SLC45A4: variants seen among roughly 807,000 people sequenced by gnomAD.
SLC45A4 encodes the protein solute carrier family 45 member 4, also known as polyamine-transporter SLC45A4.
Under a neutral mutation model 63.7 loss-of-function variants are expected in SLC45A4, and 32 were observed. The observed-to-expected ratio is 0.50, with a 90% CI of 0.38 to 0.67. The LOEUF (loss-of-function observed/expected upper bound fraction) is 0.67, where lower values mean the gene tolerates loss of function less well. Ranked by LOEUF, SLC45A4 falls within the 30% of genes least tolerant of loss-of-function variation. The pLI, the probability that SLC45A4 is intolerant of heterozygous loss-of-function variation, is 0.00. For synonymous variants in SLC45A4, 535 were observed against 510.0 expected (o/e 1.05, Z -0.66); for missense variants, 1,027 against 1,157.7 (o/e 0.89, Z 1.64).
intron 1 of SLC45A4, among the ~76,000 whole-genome samples, chr8:141,300,432 C>T (rs1830703544): frequency 6.6e-6 from 1 of 152,248 alleles, no homozygotes; most frequent in South Asian, 2.1e-4. Context: ...GTAAATCTTT[C>T]TACTTTTTGA....
chr8:141,228,963 C>T (rs1298543331), intron 2 of SLC45A4, among the ~76,000 whole-genome samples: 3 of 152,258 alleles, frequency 2.0e-5, no homozygotes, highest in Middle Eastern at 3.4e-3. Context: ...ACCCGCCCCA[C>T]AGCCCACCTG....
rs569230549 is a variant in SLC45A4, at chr8:141,219,639, G to T, written c.610+11C>A. 6.3e-7 allele frequency: 1 copy of T among 1,597,580 alleles called. No individual in the cohort carries two copies. The highest frequency in any genetic ancestry group is 1.7e-5 in the Admixed American group (1 of 59,202). ...GAACCCGGCCACCCAGCCTTGGTGC[G>T]GCAGCGTTACCGGCAGAGAAGGCGT... On this transcript the variant is annotated intron_variant, in intron 4 of 8. Transcript: ENST00000517878.
intron 1 of SLC45A4, among the ~76,000 whole-genome samples, chr8:141,261,701 C>T (rs1247233855): frequency 6.6e-6 from 1 of 151,700 alleles, no homozygotes; most frequent in Non-Finnish European, 1.5e-5. Flanking sequence ...GAACTACAAA[C>T]CACTGCTCAA....
intron 2 of SLC45A4, among the ~76,000 whole-genome samples, chr8:141,228,858 C>T (rs923919018): frequency 6.6e-6 from 1 of 152,126 alleles, no homozygotes; most frequent in Non-Finnish European, 1.5e-5. Flanking sequence ...CTGGATGTGC[C>T]GCTTCATATC....
At chr8:141,212,064 C>CG in intron 8 of SLC45A4, 133 bp downstream of exon 8, 1 of 1,402,906 alleles carries the variant, frequency 7.1e-7, no homozygotes, top group Non-Finnish European at 9.2e-7. Flanking sequence ...GGCTCTGGCC[C>CG]GCACTGCCGG....
At chr8:141,300,748 C>A (rs1446792173) in intron 1 of SLC45A4, among the ~76,000 whole-genome samples, 1 of 152,226 alleles carries the variant, frequency 6.6e-6, no homozygotes, top group Admixed American at 6.5e-5. Context: ...AAATTTAACC[C>A]GAGGCACAAT....
At chr8:141,292,814 C>T (rs1830398839) in intron 1 of SLC45A4, 2 of 152,328 alleles carry the variant, frequency 1.3e-5, no homozygotes, top group South Asian at 4.1e-4. Flanking sequence ...ACAAAAACCA[C>T]ACCCTATCAA....
In SLC45A4 at chr8:141,254,650, C is replaced by G. The variant is rs1265175547; in HGVS notation, c.-400-21G>C. 1.4e-6 allele frequency: 1 copy of G among 697,358 alleles called. No homozygotes were observed. Among genetic ancestry groups the G allele is most frequent in the Non-Finnish European group, 2.6e-6 (1 of 382,156 alleles). 43.2% of individuals were successfully genotyped at this position (697,358 alleles called of 1,614,324 possible). On this transcript the variant is annotated intron_variant, in intron 1 of 8. Coordinates refer to ENST00000517878, the MANE Select transcript of SLC45A4 (RefSeq NM_001286646.2). This position sits in a 1 kb window ranked among gnomAD's most constrained non-coding sequence, Gnocchi z 4.5. ...ATGATCTGCAAAAGAGGAAAACAAC[C>G]CGGCCAGAGAGTCAGGGGACGGCCA...
At chr8:141,287,810 G>C (rs1459648418) in intron 1 of SLC45A4, among the ~76,000 whole-genome samples, 1 of 152,192 alleles carries the variant, frequency 6.6e-6, no homozygotes, top group Non-Finnish European at 1.5e-5. Flanking sequence ...GGGGCGGTGA[G>C]GAGACGGCTC....
rs1198588233 is a variant in SLC45A4 at position 141,210,713 on chromosome 8, AT to A, written c.*858del. The A allele has an allele frequency of 6.6e-6, 1 of 152,200 alleles. No individual in the cohort carries two copies. Among genetic ancestry groups the A allele is most frequent in the East Asian group, 1.9e-4 (1 of 5,200 alleles). The allele number at this position is 152,200 out of a possible 1,614,324, so 9.4% of individuals were successfully genotyped here. On this transcript the variant is annotated 3_prime_UTR_variant, in exon 9 of 9. Transcript: ENST00000517878. The stretch of plus-strand genomic sequence containing the variant: ...TCTAGAATGATCATATTGCAGCATG[AT>A]TCTCATGCATTTCAAAGTACTTTAT...
In SLC45A4 at chr8:141,215,070, G is replaced by A. The variant is rs1289293916; in HGVS notation, c.1941+689C>T. ...CATACACTGTGACATGAAAAGGCTG[G>A]CCGTGCTGCCGCCAGCAAGCACGTG... On this transcript the variant is annotated intron_variant, in intron 7 of 8. Coordinates refer to ENST00000517878, the MANE Select transcript of SLC45A4 (RefSeq NM_001286646.2). This position sits in a 1 kb window ranked among gnomAD's most constrained non-coding sequence, Gnocchi z 4.3. Among the ~76,000 whole-genome samples the A allele has an allele frequency of 2.0e-5, 3 of 152,194 alleles. No individual in the cohort carries two copies. The highest frequency in any genetic ancestry group is 4.4e-5 in the Non-Finnish European group (3 of 68,034).
At chr8:141,269,966 A>T (rs1310792248) in intron 1 of SLC45A4, among the ~76,000 whole-genome samples, 1 of 151,616 alleles carries the variant, frequency 6.6e-6, no homozygotes, top group Non-Finnish European at 1.5e-5. Context: ...CTTTCCCCGC[A>T]CTCCTCTGCT....
At chr8:141,306,785 T>C (rs924561373) in intron 1 of SLC45A4, among the ~76,000 whole-genome samples, 1 of 152,254 alleles carries the variant, frequency 6.6e-6, no homozygotes, top group Non-Finnish European at 1.5e-5. Context: ...GCTGGGCAGA[T>C]GCAGTGGCTT....
chr8:141,214,066 G>C (rs1182978667), intron 7 of SLC45A4, among the ~76,000 whole-genome samples: 1 of 151,972 alleles, frequency 6.6e-6, no homozygotes, highest in Non-Finnish European at 1.5e-5. Flanking sequence ...AAATTAGCTG[G>C]GTGTGGTGGC....
intron 1 of SLC45A4, among the ~76,000 whole-genome samples, chr8:141,255,893 TA>T (rs1828754602): frequency 6.6e-6 from 1 of 152,080 alleles, no homozygotes; most frequent in Admixed American, 6.5e-5. Flanking sequence ...CTCTTGGGAA[TA>T]AAATGAAATT....
chr8:141,228,405 C>T (rs946717230), intron 2 of SLC45A4: 42 of 1,452,820 alleles, frequency 2.9e-5, no homozygotes, highest in South Asian at 5.4e-5. Context: ...AGGACGCTGG[C>T]GCTCCAGAAA....
At chr8:141,307,534 AGGG>A (rs1830935494) in intron 1 of SLC45A4, among the ~76,000 whole-genome samples, 1 of 107,400 alleles carries the variant, frequency 9.3e-6, no homozygotes, top group Non-Finnish European at 2.0e-5. Context: ...GAAGAAGGGA[AGGG>A]GAAGAAGGGG....
chr8:141,221,066 A>G (rs1826596687), intron 3 of SLC45A4, among the ~76,000 whole-genome samples: 1 of 152,262 alleles, frequency 6.6e-6, no homozygotes, highest in African/African-American at 2.4e-5. Flanking sequence ...AAGTTCCTCT[A>G]GTTCAGAACA....
chr8:141,215,855 G>A lies in SLC45A4; in HGVS notation c.1845C>T (p.Tyr615=), dbSNP rs1352275230. The change falls in exon 7 of 9, where the codon TAC becomes TAT. Residue 615 remains tyrosine, a synonymous_variant. Coordinates refer to ENST00000517878, the MANE Select transcript of SLC45A4 (RefSeq NM_001286646.2). The surrounding 1 kb of genome is among the most constrained non-coding windows in gnomAD (Gnocchi z 4.3). ...TAVMAMFPNV[Y]VAMVTISTMG... ...TGGTGCTGATGGTGACCATGGCGAC[G>A]TAGACGTTGGGAAACATGGCCATCA... 8.1e-6 allele frequency: 13 copies of A among 1,614,176 alleles called. No individual in the cohort carries two copies. The highest frequency in any genetic ancestry group is 1.7e-5 in the Admixed American group (1 of 60,032).
Sources: allele counts gnomAD v4.1 joint callset (sites outside exome capture counted in the v4.1 genomes callset), GRCh38; gene constraint gnomAD v4.1.1; non-coding constraint Gnocchi (gnomAD v3.1); transcripts MANE v1.5; gene names NCBI Gene and HGNC (gene_info 2026-07-23, HGNC 2026-07-21).